Variants in PPP2R2D observed in about 807,000 individuals in gnomAD.
PPP2R2D encodes the protein serine/threonine-protein phosphatase 2A 55 kDa regulatory subunit B delta isoform.
Under a neutral mutation model 31.1 loss-of-function variants are expected in PPP2R2D, and 9 were observed. The ratio of observed to expected loss-of-function variants is 0.29; its 90% CI spans 0.17 to 0.51. The LOEUF is 0.51. Ranked by LOEUF, PPP2R2D falls within the 20% of genes least tolerant of loss-of-function variation. The probability of loss-of-function intolerance (pLI) is 0.98; values close to 1 mark genes in which losing one functional copy is unlikely to be tolerated. For missense variants in PPP2R2D, 391 were observed against 465.6 expected (o/e 0.84, Z 1.48); for synonymous variants, 179 against 172.6 (o/e 1.04, Z -0.29).
rs546513964 is a variant in PPP2R2D, at chr10:131,941,561, G to A, written c.477+867G>A. ...TTGGGTGGTTTGGTTGCGGGGGGTG[G>A]GTGGTTGAGTTGGGTGGTTTGGTTG... On this transcript the variant is annotated intron_variant, in intron 5 of 8. Transcript: ENST00000455566. Among the ~76,000 whole-genome samples the A allele has an allele frequency of 5.3e-4, 80 of 152,178 alleles. No homozygotes were observed. The South Asian group carries it at 0.015, about 29-fold the overall frequency.
downstream of PPP2R2D, among the ~76,000 whole-genome samples, chr10:131,963,648 C>T (rs905073808): frequency 1.1e-4 from 17 of 152,242 alleles, no homozygotes; most frequent in Non-Finnish European, 2.1e-4. Flanking sequence ...CAGGGCTGTG[C>T]GCTGAGGCTC....
chr10:131,939,643 A>C (rs4364981), intron 3 of PPP2R2D: 1 of 112,124 alleles, frequency 8.9e-6, no homozygotes, highest in African/African-American at 3.4e-5. Flanking sequence ...GGCTGCATTC[A>C]GCAGACCTGC....
At position 131,945,362 on chromosome 10, in the gene PPP2R2D, C is replaced by T; in HGVS notation, c.723C>T (p.His241=). 1 of 1,614,220 alleles carries T rather than the reference C, an allele frequency of 6.2e-7. No individual in the cohort carries two copies. The highest frequency in any genetic ancestry group is 8.5e-7 in the Non-Finnish European group (1 of 1,180,044). The change falls in exon 7 of 9, where the codon CAC becomes CAT. Residue 241 remains histidine (H), a synonymous_variant. Transcript: ENST00000455566. This position sits in a 1 kb window ranked among gnomAD's most constrained non-coding sequence, Gnocchi z 4.8. ...LTEVITAAEF[H]PHQCNVFVYS... ...AAGTCATCACTGCAGCCGAGTTCCA[C>T]CCGCACCAGTGCAACGTGTTCGTCT...
downstream of PPP2R2D, among the ~76,000 whole-genome samples, chr10:131,964,340 TTTTG>T (rs2036954503): frequency 1.3e-5 from 2 of 151,974 alleles, no homozygotes; most frequent in East Asian, 3.9e-4. Context: ...TTTTTTTTTG[TTTTG>T]TTTTTGAGAC....
At chr10:131,901,895 T>G (rs2035505777) in intron 2 of PPP2R2D, among the ~76,000 whole-genome samples, 1 of 152,250 alleles carries the variant, frequency 6.6e-6, no homozygotes, top group South Asian at 2.1e-4. Context: ...TCCTTGAATT[T>G]TACTGTGAGG....
intron 3 of PPP2R2D, among the ~76,000 whole-genome samples, chr10:131,936,813 A>C (rs562134048): frequency 1.3e-5 from 2 of 152,208 alleles, no homozygotes; most frequent in African/African-American, 4.8e-5. Flanking sequence ...GACAAACCCC[A>C]GGCAGCCTTT....
downstream of PPP2R2D, among the ~76,000 whole-genome samples, chr10:131,961,393 TG>T (rs2036917664): frequency 1.3e-5 from 2 of 152,210 alleles, no homozygotes; most frequent in South Asian, 4.1e-4. Flanking sequence ...TGCAGAGCTG[TG>T]GGGTTTGGCT....
intron 2 of PPP2R2D, among the ~76,000 whole-genome samples, chr10:131,929,871 G>A (rs534371368): frequency 7.9e-5 from 12 of 152,118 alleles, no homozygotes; most frequent in South Asian, 2.1e-4. Flanking sequence ...CTCATTCCTC[G>A]TCACCTGCCC....
the PPP2R2D span, among the ~76,000 whole-genome samples, chr10:131,965,575 T>C: frequency 6.6e-6 from 1 of 152,196 alleles, no homozygotes; most frequent in African/African-American, 2.4e-5. Flanking sequence ...GCCTCCCAAG[T>C]AGCTGGGACT....
Position 131,945,196 on chromosome 10 carries a change from C to T in PPP2R2D, c.656-99C>T. The T allele has an allele frequency of 7.2e-7, 1 of 1,384,606 alleles. No individual in the cohort carries two copies. Among genetic ancestry groups the T allele is most frequent in the Non-Finnish European group, 9.9e-7 (1 of 1,009,942 alleles). 85.8% of individuals were successfully genotyped at this position (1,384,606 alleles called of 1,614,324 possible). ...TCTTAATAGCTAATCCCTTAAACCTCACTGCGTGGATTATTTGGCGTCCTA... is the reference window on the plus strand; with the variant it reads ...TCTTAATAGCTAATCCCTTAAACCTTACTGCGTGGATTATTTGGCGTCCTA... On this transcript the variant is annotated intron_variant, in intron 6 of 8. Transcript: ENST00000455566. This position sits in a 1 kb window ranked among gnomAD's most constrained non-coding sequence, Gnocchi z 4.8.
intron 3 of PPP2R2D, among the ~76,000 whole-genome samples, chr10:131,936,086 C>G (rs1554896448): frequency 1.3e-5 from 2 of 152,070 alleles, no homozygotes; most frequent in Non-Finnish European, 2.9e-5. Flanking sequence ...AACCATACAC[C>G]TTACCTTTCT....
At chr10:131,954,081 C>CAT (rs1452519880) in intron 8 of PPP2R2D, among the ~76,000 whole-genome samples, 2 of 152,202 alleles carry the variant, frequency 1.3e-5, no homozygotes, top group African/African-American at 4.8e-5. Flanking sequence ...CCCACAGAAC[C>CAT]AGTTATGTGC....
chr10:131,910,259 C>G (rs1159768706), intron 2 of PPP2R2D, among the ~76,000 whole-genome samples: 1 of 152,056 alleles, frequency 6.6e-6, no homozygotes, highest in African/African-American at 2.4e-5. Context: ...TAACATCACA[C>G]GGGGGTTGTT....
chr10:131,965,830 A>T, the PPP2R2D span, among the ~76,000 whole-genome samples: 1 of 151,920 alleles, frequency 6.6e-6, no homozygotes, highest in South Asian at 2.1e-4. Flanking sequence ...GGAGACATCT[A>T]TTTTTGCACT....
At chr10:131,942,329 A>C (rs1035662018) in intron 5 of PPP2R2D, among the ~76,000 whole-genome samples, 1 of 152,170 alleles carries the variant, frequency 6.6e-6, no homozygotes, top group African/African-American at 2.4e-5. Flanking sequence ...AACGGGTATA[A>C]TTGGTGGCCC....
the PPP2R2D span, chr10:131,968,815 C>T: frequency 1.5e-4 from 54 of 367,184 alleles, no homozygotes; most frequent in Middle Eastern, 8.3e-4. Flanking sequence ...ATCACCAAAC[C>T]GAATGCTGTT....
At chr10:131,955,645 C>A in intron 8 of PPP2R2D, 39 bp from the exon 9 acceptor site, 1 of 1,366,868 alleles carries the variant, frequency 7.3e-7, no homozygotes, top group Non-Finnish European at 9.5e-7. Flanking sequence ...GCCGCTCCCC[C>A]CACTGAGGAG....
intron 2 of PPP2R2D, among the ~76,000 whole-genome samples, chr10:131,902,771 CAG>C (rs1589917157): frequency 6.6e-6 from 1 of 152,088 alleles, no homozygotes; most frequent in Non-Finnish European, 1.5e-5. Flanking sequence ...TTTTTGGAGA[CAG>C]GGTCTCACTT....
chr10:131,909,926 CAG>C (rs1447085542), intron 2 of PPP2R2D, among the ~76,000 whole-genome samples: 2 of 152,222 alleles, frequency 1.3e-5, no homozygotes, highest in African/African-American at 4.8e-5. Flanking sequence ...GCAAGAAGAA[CAG>C]TGTTGTTTTA....
Sources: allele counts gnomAD v4.1 joint callset (sites outside exome capture counted in the v4.1 genomes callset), GRCh38; gene constraint gnomAD v4.1.1; non-coding constraint Gnocchi (gnomAD v3.1); transcripts MANE v1.5; gene names NCBI Gene and HGNC (gene_info 2026-07-23, HGNC 2026-07-21).